Variants in TMEM132B observed in about 807,000 individuals in gnomAD.
The protein encoded by TMEM132B is transmembrane protein 132B.
In TMEM132B, 18 loss-of-function variants were observed where a neutral mutation model predicts 90.8. The ratio of observed to expected loss-of-function variants is 0.20; its 90% CI spans 0.14 to 0.29. TMEM132B has a LOEUF of 0.29. Ranked by LOEUF, TMEM132B falls within the 10% of genes least tolerant of loss-of-function variation. The probability of loss-of-function intolerance (pLI) is 1.00; values close to 1 mark genes in which losing one functional copy is unlikely to be tolerated. For missense variants in TMEM132B, 1,096 were observed against 1,326.8 expected (o/e 0.83, Z 2.70); for synonymous variants, 504 against 523.3 (o/e 0.96, Z 0.50).
At chr12:125,625,919 T>G in intron 5 of TMEM132B, among the ~76,000 whole-genome samples, 1 of 152,364 alleles carries the variant, frequency 6.6e-6, no homozygotes, top group Middle Eastern at 3.4e-3. Context: ...TATGCATTTT[T>G]TTCTGTGCTT....
chr12:125,294,021 G>A (rs1875607595), intron 1 of TMEM132B, among the ~76,000 whole-genome samples: 3 of 152,304 alleles, frequency 2.0e-5, no homozygotes, highest in East Asian at 1.9e-4. Context: ...ACCCAGCCTT[G>A]CAGCCAGCAA....
intron 1 of TMEM132B, among the ~76,000 whole-genome samples, chr12:125,189,327 C>T (rs905861993): frequency 6.6e-6 from 1 of 152,130 alleles, no homozygotes; most frequent in Non-Finnish European, 1.5e-5. Context: ...GGAAAATGAA[C>T]GAATCTTGCT....
intron 4 of TMEM132B, among the ~76,000 whole-genome samples, chr12:125,522,253 C>G (rs1006817275): frequency 1.3e-5 from 2 of 152,284 alleles, no homozygotes; most frequent in African/African-American, 4.8e-5. Flanking sequence ...GTGATCCATG[C>G]TTATTTATGA....
intron 1 of TMEM132B, among the ~76,000 whole-genome samples, chr12:125,266,563 G>T (rs1874702050): frequency 1.3e-5 from 2 of 152,200 alleles, no homozygotes; most frequent in South Asian, 4.1e-4. Flanking sequence ...CCTGCTCACA[G>T]AGATCAAGTA....
chr12:125,415,647 G>A lies in TMEM132B; in HGVS notation c.1076G>A (p.Cys359Tyr). The change falls in exon 3 of 9, where the codon TGC (cysteine) becomes TAC (tyrosine). Residue 359 changes from cysteine to tyrosine, a missense_variant. Coordinates refer to ENST00000682704, the MANE Select transcript of TMEM132B (RefSeq NM_001366854.1). The surrounding 1 kb of genome is among the most constrained non-coding windows in gnomAD (Gnocchi z 5.3). ...GSTQTSATLT[C>Y]MGHRPDTQSR... ...ACTCAGACGTCGGCCACCCTCACCT[G>A]CATGGGCCATCGCCCGGACACGCAG... The A allele has an allele frequency of 6.2e-7, 1 of 1,614,190 alleles. No individual in the cohort carries two copies. The highest frequency in any genetic ancestry group is 8.5e-7 in the Non-Finnish European group (1 of 1,180,032).
At chr12:125,386,579 G>C (rs758729130) in intron 2 of TMEM132B, among the ~76,000 whole-genome samples, 2 of 152,038 alleles carry the variant, frequency 1.3e-5, no homozygotes, top group Non-Finnish European at 2.9e-5. Flanking sequence ...TTCTCTACTT[G>C]TTCGTTTGTT....
intron 4 of TMEM132B, among the ~76,000 whole-genome samples, chr12:125,530,693 G>C (rs919995210): frequency 6.6e-6 from 1 of 152,212 alleles, no homozygotes; most frequent in African/African-American, 2.4e-5. Context: ...TCCTTAGCCT[G>C]TGGCCACCTT....
At chr12:125,577,421 A>T (rs1884964924) in intron 4 of TMEM132B, among the ~76,000 whole-genome samples, 1 of 151,208 alleles carries the variant, frequency 6.6e-6, no homozygotes, top group Non-Finnish European at 1.5e-5. Context: ...CAAGTAACTT[A>T]CTTTTGGTTT....
At chr12:125,557,480 A>G (rs1884418642) in intron 4 of TMEM132B, among the ~76,000 whole-genome samples, 1 of 152,220 alleles carries the variant, frequency 6.6e-6, no homozygotes. Flanking sequence ...TGGGTCAATT[A>G]TCTAATCTAT....
chr12:125,489,716 G>GT (rs1164071457), intron 3 of TMEM132B, among the ~76,000 whole-genome samples: 1 of 152,170 alleles, frequency 6.6e-6, no homozygotes, highest in African/African-American at 2.4e-5. Context: ...CAGGCCATTA[G>GT]TTTAAGTATT....
intron 1 of TMEM132B, among the ~76,000 whole-genome samples, chr12:125,265,312 T>A (rs1298409021): frequency 6.8e-6 from 1 of 148,066 alleles, no homozygotes; most frequent in Admixed American, 6.6e-5. Context: ...TATAGGCTGT[T>A]TTTTCTATAC....
At chr12:125,527,046 C>T (rs1205130266) in intron 4 of TMEM132B, among the ~76,000 whole-genome samples, 2 of 148,806 alleles carry the variant, frequency 1.3e-5, no homozygotes, top group African/African-American at 2.5e-5. Flanking sequence ...ATCCACCCAT[C>T]CACCCTTCCA....
chr12:125,589,481 C>CAAAAAAAAAAAA (rs71095204), intron 5 of TMEM132B, among the ~76,000 whole-genome samples: 1 of 73,150 alleles, frequency 1.4e-5, no homozygotes, highest in Non-Finnish European at 2.4e-5. Flanking sequence ...GACTCCGTCT[C>CAAAAAAAAAAAA]AAAAAAAAAA....
At chr12:125,482,636 C>T (rs151197709) in intron 3 of TMEM132B, among the ~76,000 whole-genome samples, 63 of 152,286 alleles carry the variant, frequency 4.1e-4, no homozygotes, top group African/African-American at 1.4e-3. Flanking sequence ...AACACTTTCA[C>T]GCTGTTGGTG....
intron 3 of TMEM132B, among the ~76,000 whole-genome samples, chr12:125,475,223 A>G (rs1392489454): frequency 2.0e-5 from 3 of 152,176 alleles, no homozygotes; most frequent in Non-Finnish European, 4.4e-5. Context: ...ATCAATGGAC[A>G]TTGTAATTTA....
intron 5 of TMEM132B, among the ~76,000 whole-genome samples, chr12:125,624,238 G>A (rs1886176755): frequency 6.6e-6 from 1 of 152,226 alleles, no homozygotes; most frequent in African/African-American, 2.4e-5. Flanking sequence ...GAAGGGCTGA[G>A]CTAGGGAGAT....
chr12:125,411,837 T>C (rs1879855971), intron 2 of TMEM132B, among the ~76,000 whole-genome samples: 1 of 152,198 alleles, frequency 6.6e-6, no homozygotes, highest in African/African-American at 2.4e-5. Context: ...AGCAGTCCGA[T>C]GGTCCTGATG....
chr12:125,645,557 C>T (rs142269641), intron 6 of TMEM132B, among the ~76,000 whole-genome samples: 2 of 152,186 alleles, frequency 1.3e-5, no homozygotes, highest in Admixed American at 1.3e-4. Context: ...CAAATGACAA[C>T]CAGCCAGGAA....
chr12:125,208,654 A>C (rs938333450), intron 1 of TMEM132B, among the ~76,000 whole-genome samples: 4 of 152,148 alleles, frequency 2.6e-5, no homozygotes, highest in Non-Finnish European at 5.9e-5. Context: ...ATCGTCTTCC[A>C]CTGTATGGAT....
Sources: gnomAD v4.1 joint callset for allele counts (sites outside exome capture counted in the v4.1 genomes callset) on GRCh38, gnomAD v4.1.1 for gene constraint, Gnocchi (gnomAD v3.1) non-coding constraint, MANE v1.5 for transcripts, NCBI Gene and HGNC (gene_info 2026-07-23, HGNC 2026-07-21) for gene names.